The following CUX1 variants were observed in gnomAD, a reference collection of about 807,000 sequenced individuals.
The protein encoded by CUX1 is cut like homeobox 1, also known as protein CASP.
Under a neutral mutation model 158.8 loss-of-function variants are expected in CUX1, and 31 were observed. The observed-to-expected ratio is 0.20, with a 90% confidence interval of 0.15 to 0.26. The LOEUF (loss-of-function observed/expected upper bound fraction) is 0.26, where lower values mean the gene tolerates loss of function less well. Ranked by LOEUF, CUX1 falls within the 10% of genes least tolerant of loss-of-function variation. CUX1 has a pLI of 1.00. For synonymous variants in CUX1, 879 were observed against 862.1 expected, an observed-to-expected ratio of 1.02 and a Z score of -0.34; for missense variants, 1,589 against 2,014.6, an observed-to-expected ratio of 0.79 and a Z score of 4.04.
At chr7:102,247,807 C>G (rs1230978857) in intron 23 of CUX1, among the ~76,000 whole-genome samples, 1 of 151,878 alleles carries the variant, frequency 6.6e-6, no homozygotes, top group Non-Finnish European at 1.5e-5. Context: ...GGTGACAGAA[C>G]AAGGCCTTGT....
chr7:102,161,036 A>C (rs1790375239), intron 9 of CUX1: 1 of 152,192 alleles, frequency 6.6e-6, no homozygotes, highest in Non-Finnish European at 1.5e-5. Context: ...CGAGGATTTG[A>C]GGTAAAATGC....
intron 20 of CUX1, among the ~76,000 whole-genome samples, chr7:102,214,025 C>G (rs1796804207): frequency 6.6e-6 from 1 of 152,150 alleles, no homozygotes; most frequent in African/African-American, 2.4e-5. Context: ...TTCCCAGCTA[C>G]TCGGGAGGCT....
chr7:101,817,109 C>G (rs1208167979), upstream of CUX1: 6 of 984,354 alleles, frequency 6.1e-6, 1 homozygote, highest in East Asian at 4.6e-4. The surrounding 1 kb of genome is among the most constrained non-coding windows in gnomAD (Gnocchi z 4.1). Context: ...CGCTGGGTCC[C>G]GGTGTCCCGG....
At chr7:101,860,320 C>A (rs1797307676) in intron 1 of CUX1, among the ~76,000 whole-genome samples, 1 of 152,160 alleles carries the variant, frequency 6.6e-6, no homozygotes, top group Non-Finnish European at 1.5e-5. Context: ...CATCTCCGCC[C>A]CTGCCTACTC....
At chr7:102,178,877 T>G (rs1261426056) in intron 11 of CUX1, among the ~76,000 whole-genome samples, 1 of 152,182 alleles carries the variant, frequency 6.6e-6, no homozygotes, top group Non-Finnish European at 1.5e-5. Context: ...TCCCTCTTTT[T>G]TTTTGGAGTC....
chr7:102,281,872 C>T (rs1554549356), exon 21 of CUX1: 1 of 1,613,604 alleles, frequency 6.2e-7, no homozygotes, highest in African/African-American at 1.3e-5. Flanking sequence ...AGATGGCGCG[C>T]ACCATCGGCT....
chr7:101,851,533 ATCT>A (rs1470861102), intron 1 of CUX1, among the ~76,000 whole-genome samples: 5 of 152,082 alleles, frequency 3.3e-5, no homozygotes, highest in African/African-American at 1.2e-4. Flanking sequence ...ATCCGACAAG[ATCT>A]TCTTTATTCT....
chr7:102,259,354 G>A (rs572805800), downstream of CUX1, among the ~76,000 whole-genome samples: 22 of 152,328 alleles, frequency 1.4e-4, no homozygotes, highest in African/African-American at 4.1e-4. Flanking sequence ...TTGGGAGGCC[G>A]AGGCCGGTGG....
chr7:102,178,724 A>G, intron 11 of CUX1, 67 bp downstream of exon 11: 10 of 1,474,720 alleles, frequency 6.8e-6, no homozygotes, highest in East Asian at 2.5e-5. Flanking sequence ...ACACGCGCAC[A>G]CACACACCCT....
At position 102,222,811 on chromosome 7, in the gene CUX1, C is replaced by CTTTTTTTTTTTTTTTTTTTTTTTTTTTTT. The variant is rs71123016; in HGVS notation, c.3131-4530_3131-4529insTTTTTTTTTTTTTTTTTTTTTTTTTTTTT. 1.6e-4 allele frequency among the ~76,000 whole-genome samples: 4 copies of CTTTTTTTTTTTTTTTTTTTTTTTTTTTTT among 25,526 alleles called. 1 individual carries two copies. The highest frequency in any genetic ancestry group is 3.4e-4 in the African/African-American group (2 of 5,802). The allele number at this position is 25,526 out of a possible 152,430, so 16.7% of individuals were successfully genotyped here. A position where few individuals can be genotyped will look rare whatever the true frequency, so the allele number is the denominator to read the frequency against. Reference sequence around the variant, plus strand: ...GGCTGTGTGTCTCGGGGCACCGTATCTTTTTTTTTTTTTTTTTTTTTTTTT... The same window carrying CTTTTTTTTTTTTTTTTTTTTTTTTTTTTT: ...GGCTGTGTGTCTCGGGGCACCGTATCTTTTTTTTTTTTTTTTTTTTTTTTTTTTTTTTTTTTTTTTTTTTTTTTTTTTTT... On this transcript the variant is annotated intron_variant, in intron 20 of 23. Transcript: ENST00000292535.
At chr7:101,823,231 C>G (rs1439900584) in intron 1 of CUX1, among the ~76,000 whole-genome samples, 1 of 152,110 alleles carries the variant, frequency 6.6e-6, no homozygotes, top group Non-Finnish European at 1.5e-5. Flanking sequence ...AGATCCCACC[C>G]TCAGGGGTCT....
intron 1 of CUX1, among the ~76,000 whole-genome samples, chr7:101,871,675 G>T (rs1276198010): frequency 2.0e-5 from 3 of 152,156 alleles, no homozygotes; most frequent in Non-Finnish European, 4.4e-5. Context: ...GGGTGGTGGT[G>T]GCATGTGTGG....
chr7:102,044,742 G>A (rs1020625241), intron 3 of CUX1, among the ~76,000 whole-genome samples: 20 of 151,978 alleles, frequency 1.3e-4, no homozygotes, highest in African/African-American at 4.8e-4. Flanking sequence ...TTGGTTCCTA[G>A]ACGCCCACAA....
At chr7:101,860,733 C>T (rs1797352137) in intron 1 of CUX1, among the ~76,000 whole-genome samples, 2 of 144,030 alleles carry the variant, frequency 1.4e-5, no homozygotes, top group Admixed American at 1.4e-4. Flanking sequence ...TCTCCCCTTC[C>T]TCCCTTCCTT....
intron 1 of CUX1, among the ~76,000 whole-genome samples, chr7:101,863,027 T>C (rs1797618766): frequency 6.6e-6 from 1 of 152,180 alleles, no homozygotes; most frequent in African/African-American, 2.4e-5. Context: ...TTGTCTTATC[T>C]GTAACTTTCT....
intron 17 of CUX1, among the ~76,000 whole-genome samples, chr7:102,275,845 C>T (rs1791568504): frequency 6.6e-6 from 1 of 152,004 alleles, no homozygotes; most frequent in South Asian, 2.1e-4. Flanking sequence ...CCCGTCTCTA[C>T]TAAAAATACA....
intron 6 of CUX1, among the ~76,000 whole-genome samples, chr7:102,106,079 C>CTTTT (rs782580660): frequency 2.5e-4 from 18 of 72,274 alleles, no homozygotes; most frequent in Non-Finnish European, 3.3e-4. Context: ...TTTCTTTTTT[C>CTTTT]TTTTTTTTTT....
intron 3 of CUX1, among the ~76,000 whole-genome samples, chr7:102,055,475 A>G (rs987664864): frequency 1.3e-5 from 2 of 152,164 alleles, no homozygotes; most frequent in African/African-American, 4.8e-5. Context: ...CTATTATTAT[A>G]TCTGATATGG....
intron 12 of CUX1, 49 bp from the exon 13 acceptor site, chr7:102,193,793 C>G (rs782757949): frequency 7.8e-5 from 124 of 1,584,044 alleles, no homozygotes; most frequent in Non-Finnish European, 1.0e-4. Flanking sequence ...CAGAACGAGA[C>G]TCTGTCTCAA....
Sources: gnomAD v4.1 joint callset for allele counts (sites outside exome capture counted in the v4.1 genomes callset) on GRCh38, gnomAD v4.1.1 for gene constraint, Gnocchi (gnomAD v3.1) non-coding constraint, MANE v1.5 for transcripts, NCBI Gene and HGNC (gene_info 2026-07-23, HGNC 2026-07-21) for gene names.